Variants in PTPRK observed in about 807,000 individuals in gnomAD.
The protein encoded by PTPRK is receptor-type tyrosine-protein phosphatase kappa.
In PTPRK, 75 loss-of-function variants were observed where a neutral mutation model predicts 178.0. That is an observed-to-expected ratio of 0.42 (90% CI 0.35 to 0.51). PTPRK has a LOEUF of 0.51. Among genes scored for constraint, PTPRK ranks in the 20% least tolerant of loss-of-function variants. The pLI is 0.02. For synonymous variants in PTPRK, 637 were observed against 620.6 expected (o/e 1.03, Z -0.39); for missense variants, 1,441 against 1,797.8 (o/e 0.80, Z 3.59).
intron 3 of PTPRK, among the ~76,000 whole-genome samples, chr6:128,286,419 TTC>T (rs993901283): frequency 3.9e-5 from 6 of 152,170 alleles, no homozygotes; most frequent in East Asian, 1.9e-4. Context: ...TCACATTTTT[TTC>T]TGTTTGTGTT....
chr6:128,286,338 T>C (rs562349566), intron 3 of PTPRK, among the ~76,000 whole-genome samples: 2 of 152,196 alleles, frequency 1.3e-5, no homozygotes, highest in Non-Finnish European at 2.9e-5. Flanking sequence ...TCTCTTTTGC[T>C]GTGAAACCCA....
At chr6:128,149,250 T>C (rs1410109763) in intron 7 of PTPRK, among the ~76,000 whole-genome samples, 3 of 151,704 alleles carry the variant, frequency 2.0e-5, no homozygotes, top group Non-Finnish European at 4.4e-5. Context: ...CATGTATACA[T>C]ATGTAACAAA....
chr6:128,114,380 G>A (rs1485043576), intron 7 of PTPRK, among the ~76,000 whole-genome samples: 5 of 151,896 alleles, frequency 3.3e-5, no homozygotes, highest in Admixed American at 6.6e-5. Flanking sequence ...CACTTTCAGA[G>A]GCGGAGGTGG....
At chr6:128,325,206 C>A (rs1040659446) in intron 2 of PTPRK, among the ~76,000 whole-genome samples, 2 of 152,090 alleles carry the variant, frequency 1.3e-5, no homozygotes, top group African/African-American at 4.8e-5. Flanking sequence ...ACTATATATG[C>A]TTTTTGTTTG....
At chr6:128,203,601 A>T (rs1423301175) in intron 6 of PTPRK, among the ~76,000 whole-genome samples, 2 of 152,218 alleles carry the variant, frequency 1.3e-5, no homozygotes, top group Non-Finnish European at 2.9e-5. Flanking sequence ...TCAATGTGAA[A>T]AAATTGCTAG....
intron 6 of PTPRK, among the ~76,000 whole-genome samples, chr6:128,203,476 G>A (rs976510954): frequency 6.6e-6 from 1 of 152,184 alleles, no homozygotes; most frequent in African/African-American, 2.4e-5. Context: ...TAGGAAGAGA[G>A]GAAGTTGAAT....
chr6:128,416,485 C>CAA (rs538378758), intron 1 of PTPRK, among the ~76,000 whole-genome samples: 1 of 140,432 alleles, frequency 7.1e-6, no homozygotes, highest in Non-Finnish European at 1.6e-5. Flanking sequence ...ACTAAAAATA[C>CAA]AAAAAAAAAA....
chr6:128,190,490 CTTTT>C (rs34873441), intron 6 of PTPRK, among the ~76,000 whole-genome samples: 8 of 96,130 alleles, frequency 8.3e-5, no homozygotes, highest in East Asian at 3.7e-4. Flanking sequence ...TGATAGATAC[CTTTT>C]TTTTTTTTTT....
chr6:128,288,431 A>G (rs1822856019), intron 3 of PTPRK, among the ~76,000 whole-genome samples: 1 of 152,148 alleles, frequency 6.6e-6, no homozygotes, highest in African/African-American at 2.4e-5. Context: ...TCAATTTTGT[A>G]TTGAGAACTT....
intron 3 of PTPRK, among the ~76,000 whole-genome samples, chr6:128,303,567 T>G (rs1438996636): frequency 1.3e-5 from 2 of 152,230 alleles, no homozygotes; most frequent in African/African-American, 4.8e-5. Context: ...GGGTTGATGC[T>G]GTTCAATATT....
chr6:128,359,758 TA>T (rs899562314), intron 2 of PTPRK, among the ~76,000 whole-genome samples: 16 of 145,460 alleles, frequency 1.1e-4, no homozygotes, highest in South Asian at 4.3e-4. Context: ...GTCTCAAAAA[TA>T]AAAAAAAAAT....
At chr6:128,491,996 G>C (rs1853866107) in intron 1 of PTPRK, 1 of 374,636 alleles carries the variant, frequency 2.7e-6, no homozygotes, top group African/African-American at 2.1e-5. Context: ...GTGGAAGTCT[G>C]ATCCTATCAC....
intron 6 of PTPRK, among the ~76,000 whole-genome samples, chr6:128,209,477 G>A (rs891891780): frequency 6.6e-6 from 1 of 152,094 alleles, no homozygotes; most frequent in South Asian, 2.1e-4. Context: ...CCCATCAAGA[G>A]TCCGATGGAA....
chr6:128,164,961 C>A (rs1032813206), intron 7 of PTPRK, among the ~76,000 whole-genome samples: 1 of 150,964 alleles, frequency 6.6e-6, no homozygotes, highest in Non-Finnish European at 1.5e-5. Context: ...GTACAAAGAC[C>A]TCATTGACTA....
chr6:128,078,019 A>G (rs1186104421), intron 11 of PTPRK, among the ~76,000 whole-genome samples: 1 of 152,012 alleles, frequency 6.6e-6, no homozygotes, highest in East Asian at 1.9e-4. Context: ...TTATTTTTCA[A>G]TCATTCATAT....
chr6:128,320,178 A>G (rs972704573), intron 3 of PTPRK, among the ~76,000 whole-genome samples: 1 of 152,134 alleles, frequency 6.6e-6, no homozygotes, highest in African/African-American at 2.4e-5. Flanking sequence ...AGCACATATA[A>G]CGAAGGGGGT....
intron 7 of PTPRK, among the ~76,000 whole-genome samples, chr6:128,176,220 C>A (rs948546378): frequency 6.6e-6 from 1 of 151,644 alleles, no homozygotes; most frequent in African/African-American, 2.4e-5. Flanking sequence ...TCATATGTAA[C>A]AAAAATATGG....
At chr6:128,119,056 G>A (rs1406953486) in intron 7 of PTPRK, among the ~76,000 whole-genome samples, 2 of 152,010 alleles carry the variant, frequency 1.3e-5, no homozygotes, top group Non-Finnish European at 2.9e-5. Flanking sequence ...TGAAAAGCCA[G>A]GTGAAGATAC....
chr6:128,231,588 G>A (rs560041932), intron 5 of PTPRK, among the ~76,000 whole-genome samples: 2 of 152,090 alleles, frequency 1.3e-5, no homozygotes, highest in Non-Finnish European at 2.9e-5. Flanking sequence ...TGACACCTGG[G>A]CCACTCAGAG....
Sources: gnomAD v4.1 joint callset for allele counts (sites outside exome capture counted in the v4.1 genomes callset) on GRCh38, gnomAD v4.1.1 for gene constraint, MANE v1.5 for transcripts, NCBI Gene and HGNC (gene_info 2026-07-23, HGNC 2026-07-21) for gene names.